The following TIAM2 variants were observed in gnomAD, a reference collection of about 807,000 sequenced individuals.
The protein encoded by TIAM2 is TIAM Rac1 associated GEF 2.
Under a neutral mutation model 152.9 loss-of-function variants are expected in TIAM2, and 80 were observed. The ratio of observed to expected loss-of-function variants is 0.52; its 90% CI spans 0.44 to 0.63. The LOEUF is 0.63. TIAM2 is among the 30% of genes least tolerant of loss of function. The pLI is 0.00. For missense variants in TIAM2, 1,965 were observed against 2,120.1 expected (o/e 0.93, Z 1.44); for synonymous variants, 804 against 838.0 (o/e 0.96, Z 0.70).
At chr6:155,051,703 G>A (rs1008126211) in intron 1 of TIAM2, among the ~76,000 whole-genome samples, 2 of 151,858 alleles carry the variant, frequency 1.3e-5, no homozygotes, top group African/African-American at 4.8e-5. Flanking sequence ...GGAGTGCAAT[G>A]GCACAACCTT....
At chr6:155,227,192 T>A (rs1423045175) in intron 15 of TIAM2, among the ~76,000 whole-genome samples, 1 of 152,228 alleles carries the variant, frequency 6.6e-6, no homozygotes, top group African/African-American at 2.4e-5. Flanking sequence ...CTCCCTTGAA[T>A]CCTTATTTGT....
intron 24 of TIAM2, 184 bp downstream of exon 24, chr6:155,253,237 G>C (rs1335435213): frequency 5.8e-6 from 3 of 520,788 alleles, no homozygotes; most frequent in Non-Finnish European, 1.0e-5. Flanking sequence ...CTAAATGCTG[G>C]TGGATAGCTT....
Position 155,042,701 on chromosome 6 carries a change from C to CAT in TIAM2, c.-209+47217_-209+47218dup, listed in dbSNP as rs990168220. Among the ~76,000 whole-genome samples, 3 of 152,290 alleles carry CAT rather than the reference C, an allele frequency of 2.0e-5. 1 individual carries two copies. The highest frequency in any genetic ancestry group is 4.2e-4 in the South Asian group (2 of 4,818). ...TATGGTGTACAACGTACTGTTTATA[C>CAT]ATATATATACATACATTGTGGAGCG... On this transcript the variant is annotated intron_variant, in intron 1 of 26. Transcript: ENST00000682666.
At chr6:154,997,169 C>G (rs1158974998) in intron 1 of TIAM2, among the ~76,000 whole-genome samples, 1 of 152,140 alleles carries the variant, frequency 6.6e-6, no homozygotes, top group African/African-American at 2.4e-5. Flanking sequence ...GAATGAAATT[C>G]TGCTTACACT....
At chr6:155,244,103 G>A (rs1424020637) in intron 17 of TIAM2, 24 bp downstream of exon 17, 1 of 1,603,230 alleles carries the variant, frequency 6.2e-7, no homozygotes, top group Non-Finnish European at 8.5e-7. Flanking sequence ...CCTTCCTTCT[G>A]TCCAGTGATC....
At chr6:155,028,869 C>G (rs62651287) in intron 1 of TIAM2, among the ~76,000 whole-genome samples, 1 of 53,692 alleles carries the variant, frequency 1.9e-5, no homozygotes, top group South Asian at 4.7e-4. Flanking sequence ...TATATACTAT[C>G]TATACTATGT....
At chr6:155,013,056 G>A (rs184552291) in intron 1 of TIAM2, among the ~76,000 whole-genome samples, 7 of 152,136 alleles carry the variant, frequency 4.6e-5, no homozygotes, top group African/African-American at 7.2e-5. Context: ...GCTTCTGAGC[G>A]TCCTCTCACT....
intron 1 of TIAM2, among the ~76,000 whole-genome samples, chr6:155,026,647 G>A (rs1047082637): frequency 1.3e-5 from 2 of 152,240 alleles, no homozygotes; most frequent in African/African-American, 4.8e-5. Context: ...GGCAGCCTGG[G>A]TGGCCCCTTG....
chr6:155,204,330 C>T (rs1781546367), intron 14 of TIAM2, among the ~76,000 whole-genome samples: 1 of 152,072 alleles, frequency 6.6e-6, no homozygotes, highest in Admixed American at 6.5e-5. Flanking sequence ...CCCTGATGGT[C>T]ATACCACCAA....
In TIAM2 at chr6:155,068,667, G is replaced by C. The variant is rs191915104; in HGVS notation, c.-208-21622G>C. On this transcript the variant is annotated intron_variant, in intron 1 of 26. Transcript: ENST00000682666. ...AGATCGGGTTTCACCATGTTGGCCAGGCTGGTCTTGAACTCCTGACCTCAG... is the reference window on the plus strand; with the variant it reads ...AGATCGGGTTTCACCATGTTGGCCACGCTGGTCTTGAACTCCTGACCTCAG... Among the ~76,000 whole-genome samples the C allele has an allele frequency of 3.3e-3, 499 of 150,206 alleles. 1 individual carries two copies. Among genetic ancestry groups the C allele is most frequent in the Non-Finnish European group, 5.6e-3 (378 of 67,744 alleles).
chr6:155,250,625 G>T (rs1422053857), intron 21 of TIAM2: 1 of 1,535,804 alleles, frequency 6.5e-7, no homozygotes, highest in African/African-American at 1.4e-5. Context: ...ACGGACACTG[G>T]TAGAGTTCAT....
At chr6:155,217,038 G>A (rs932599141) in intron 15 of TIAM2, 40 of 1,288,736 alleles carry the variant, frequency 3.1e-5, no homozygotes, top group Admixed American at 1.2e-4. Flanking sequence ...GATGTGATCC[G>A]TTCTCCCAGA....
chr6:154,999,299 C>T (rs146742728), intron 1 of TIAM2, among the ~76,000 whole-genome samples: 8,837 of 152,096 alleles, frequency 0.058, 779 homozygotes, highest in African/African-American at 0.19. Context: ...CAACCTCCAT[C>T]TCCTGAGTTC....
chr6:155,104,519 A>G (rs1251206270), intron 2 of TIAM2, among the ~76,000 whole-genome samples: 2 of 152,130 alleles, frequency 1.3e-5, no homozygotes, highest in Non-Finnish European at 2.9e-5. Context: ...GCACTTTGGG[A>G]GGCCAAGGTG....
intron 1 of TIAM2, among the ~76,000 whole-genome samples, chr6:155,046,458 C>T (rs960200582): frequency 6.6e-6 from 1 of 151,436 alleles, no homozygotes; most frequent in Non-Finnish European, 1.5e-5. Flanking sequence ...GTCTCAGCCT[C>T]CCGAGTAGCT....
At chr6:155,254,269 C>T (rs1783861998) in intron 25 of TIAM2, 150 bp from the exon 26 acceptor site, 1 of 1,072,520 alleles carries the variant, frequency 9.3e-7, no homozygotes, top group Admixed American at 2.6e-5. Context: ...TCACCTCCTT[C>T]TGTACGGGAG....
Position 155,240,628 on chromosome 6 carries a change from T to A in TIAM2, c.3267T>A (p.Ser1089=). 1 of 1,614,104 alleles carries A rather than the reference T, an allele frequency of 6.2e-7. No homozygotes were observed. The highest frequency in any genetic ancestry group is 8.5e-7 in the Non-Finnish European group (1 of 1,180,030). ...AGAATCAGGATCCTCCTCCGAGGTCTCTGGCCCGCCACCTGTCTGATGCAG... is the reference window on the plus strand; with the variant it reads ...AGAATCAGGATCCTCCTCCGAGGTCACTGGCCCGCCACCTGTCTGATGCAG... The part of the protein sequence containing the change: ...PRENQDPPPR[S]LARHLSDADR... The change falls in exon 16 of 27, where the codon TCT becomes TCA. Residue 1089 remains serine (S), a synonymous_variant. Coordinates refer to ENST00000682666, the MANE Select transcript of TIAM2 (RefSeq NM_012454.4).
chr6:155,165,668 G>A (rs1239477985), intron 9 of TIAM2, among the ~76,000 whole-genome samples: 1 of 152,174 alleles, frequency 6.6e-6, no homozygotes, highest in Non-Finnish European at 1.5e-5. Flanking sequence ...TGCGCCTATA[G>A]TCCCAGCTAC....
Position 155,194,270 on chromosome 6 carries a change from G to A in TIAM2, c.3064+10770G>A, listed in dbSNP as rs531338391. Among the ~76,000 whole-genome samples, 6 of 152,334 alleles carry A rather than the reference G, an allele frequency of 3.9e-5. No individual in the cohort carries two copies. The South Asian group carries it at 1.2e-3, about 32-fold the overall frequency. On this transcript the variant is annotated intron_variant, in intron 14 of 26. Transcript: ENST00000682666. ...AGACTCAGGTGCAAATGGGGAAGAGGAGAAGGTAGGGTGAGACAGGTGAGC... is the reference window on the plus strand; with the variant it reads ...AGACTCAGGTGCAAATGGGGAAGAGAAGAAGGTAGGGTGAGACAGGTGAGC...
Sources: gnomAD v4.1 joint callset for allele counts (sites outside exome capture counted in the v4.1 genomes callset) on GRCh38, gnomAD v4.1.1 for gene constraint, MANE v1.5 for transcripts, NCBI Gene and HGNC (gene_info 2026-07-23, HGNC 2026-07-21) for gene names.